ZGRF1: variants seen among roughly 807,000 people sequenced by gnomAD.
ZGRF1 encodes 5'-3' DNA helicase ZGRF1.
A neutral mutation model predicts 203.5 loss-of-function variants in ZGRF1; 196 were observed. The ratio of observed to expected loss-of-function variants is 0.96; its 90% CI spans 0.86 to 1.08. ZGRF1 has a LOEUF of 1.08. ZGRF1 is among the 50% of genes least tolerant of loss of function. The probability of loss-of-function intolerance (pLI) is 0.00; values close to 1 mark genes in which losing one functional copy is unlikely to be tolerated. For synonymous variants in ZGRF1, 809 were observed against 841.3 expected, an observed-to-expected ratio of 0.96 and a Z score of 0.66; for missense variants, 2,326 against 2,416.3, an observed-to-expected ratio of 0.96 and a Z score of 0.78.
At chr4:112,544,148 G>T (rs934525975) in intron 24 of ZGRF1, among the ~76,000 whole-genome samples, 1 of 152,086 alleles carries the variant, frequency 6.6e-6, no homozygotes, top group Non-Finnish European at 1.5e-5. Flanking sequence ...TGAAAGCTTC[G>T]TTCTTTGCAA....
intron 4 of ZGRF1, among the ~76,000 whole-genome samples, chr4:112,621,518 T>TGGTGCATGCCTGTAATCCCAGCCACTC (rs1403024426): frequency 1.8e-4 from 28 of 151,624 alleles, no homozygotes; most frequent in African/African-American, 5.8e-4. Context: ...CCGGGTGTGG[T>TGGTGCATGCCTGTAATCCCAGCCACTC]GGTGCATGCC....
intron 3 of ZGRF1, among the ~76,000 whole-genome samples, chr4:112,627,452 C>T (rs1160650195): frequency 6.6e-6 from 1 of 152,104 alleles, no homozygotes; most frequent in African/African-American, 2.4e-5. Context: ...TTCTAAAATA[C>T]AAATATAGCC....
chr4:112,565,695 C>A (rs541980333), intron 16 of ZGRF1, among the ~76,000 whole-genome samples: 1 of 152,222 alleles, frequency 6.6e-6, no homozygotes, highest in East Asian at 1.9e-4. Context: ...AGGACATGAA[C>A]AGATGCTTCT....
At chr4:112,631,459 C>T (rs1205109705) in intron 3 of ZGRF1, among the ~76,000 whole-genome samples, 1 of 152,122 alleles carries the variant, frequency 6.6e-6, no homozygotes, top group Non-Finnish European at 1.5e-5. Context: ...CACCTGAGGT[C>T]AGGAGTTCGA....
At position 112,612,508 on chromosome 4, in the gene ZGRF1, G is replaced by GA. The variant is rs754666985; in HGVS notation, c.2667+15dup. On this transcript the variant is annotated intron_variant, in intron 7 of 27. Transcript: ENST00000505019. The stretch of plus-strand genomic sequence containing the variant: ...TCAAAATAAAAAAAACATACTCTTA[G>GA]AAAAAAAACCTGTACCTGTTGAGAA... 6.8e-5 allele frequency: 104 copies of GA among 1,536,246 alleles called. No homozygotes were observed. The highest frequency in any genetic ancestry group is 1.1e-4 in the Admixed American group (6 of 54,952).
In ZGRF1 at chr4:112,563,163, T is replaced by C. The variant is rs773961824; in HGVS notation, c.4550A>G (p.Lys1517Arg). ...SINEIEILPLKGYFPSNWPTN... is the reference protein window; with the variant it reads ...SINEIEILPLRGYFPSNWPTN... Reference sequence around the variant, plus strand: ...GGGCCAATTAGAAGGGAAATAGCCTTTCAAAGGCAGTATTTCTATCTCATT... The same window carrying C: ...GGGCCAATTAGAAGGGAAATAGCCTCTCAAAGGCAGTATTTCTATCTCATT... The change falls in exon 17 of 28, where the codon AAA becomes AGA. Residue 1517 changes from lysine (K) to arginine (R), a missense_variant. By Grantham distance (26) the Lys-to-Arg change is conservative (BLOSUM62 2). Coordinates refer to ENST00000505019, the MANE Select transcript of ZGRF1 (RefSeq NM_018392.5). 3 of 1,550,282 alleles carry C rather than the reference T, an allele frequency of 1.9e-6. No homozygotes were observed. In the South Asian group the frequency reaches 3.6e-5, roughly 18 times the overall value.
intron 19 of ZGRF1, 72 bp downstream of exon 19, chr4:112,560,661 A>G: frequency 7.9e-7 from 1 of 1,273,454 alleles, no homozygotes; most frequent in Non-Finnish European, 1.1e-6. Flanking sequence ...AGGAAATTAT[A>G]AAGGAGCAGA....
chr4:112,543,366 C>T (rs766330825), intron 24 of ZGRF1, among the ~76,000 whole-genome samples: 5 of 152,132 alleles, frequency 3.3e-5, no homozygotes, highest in South Asian at 2.1e-4. Flanking sequence ...TTGAAATTCT[C>T]GTAAATGGCA....
At position 112,539,647 on chromosome 4, in the gene ZGRF1, T is replaced by C; in HGVS notation, c.6215A>G (p.Gln2072Arg). The change falls in exon 28 of 28, where the codon CAG becomes CGG. Residue 2072 changes from glutamine to arginine, a missense_variant. Coordinates refer to ENST00000505019, the MANE Select transcript of ZGRF1 (RefSeq NM_018392.5). ...ATAATCTTTAAGGAGATGGTTCAGC[T>C]GTGGTTCATACTGGTTTGCATGTTG... ...GLQHANQYEP[Q>R]LNHLLKDYFE... The C allele has an allele frequency of 6.2e-7, 1 of 1,608,994 alleles. No homozygotes were observed.
chr4:112,592,104 T>C (rs1748269175), intron 10 of ZGRF1, among the ~76,000 whole-genome samples: 1 of 150,672 alleles, frequency 6.6e-6, no homozygotes, highest in South Asian at 2.1e-4. Flanking sequence ...TTCTTTTTTT[T>C]TTTTTTTTTT....
At chr4:112,612,382 G>C (rs562969259) in intron 7 of ZGRF1, 142 bp downstream of exon 7, 3 of 554,672 alleles carry the variant, frequency 5.4e-6, no homozygotes, top group East Asian at 6.0e-5. Flanking sequence ...TTTTGGCTGA[G>C]GAAGGCAATG....
At chr4:112,539,788 G>A (rs1737179294) in intron 27 of ZGRF1, 75 bp downstream of exon 27, 1 of 1,581,246 alleles carries the variant, frequency 6.3e-7, no homozygotes, top group African/African-American at 1.4e-5. Flanking sequence ...GTTCCTGCTT[G>A]AAGCACCCCA....
At chr4:112,589,410 A>G (rs142726150) in intron 11 of ZGRF1, among the ~76,000 whole-genome samples, 1 of 152,302 alleles carries the variant, frequency 6.6e-6, no homozygotes, top group East Asian at 1.9e-4. Context: ...TGGAACAGGA[A>G]AGGGCTGTAA....
chr4:112,540,017 C>A lies in ZGRF1; in HGVS notation c.6018G>T (p.Leu2006=). 2 of 1,613,024 alleles carry A rather than the reference C, an allele frequency of 1.2e-6. No homozygotes were observed. Among genetic ancestry groups the A allele is most frequent in the Non-Finnish European group, 1.7e-6 (2 of 1,179,384 alleles). Residue 2006 remains leucine, a synonymous_variant, in exon 27 of 28, where the codon CTG becomes CTT. Transcript: ENST00000505019. ...CTACTTGTCTTGTCCTTACACAGGA[C>A]AGAATAATGATCTCCTTTTCAGCTC... The part of the protein sequence containing the change: ...FQGAEKEIII[L]SCVRTRQVGF...
Position 112,618,949 on chromosome 4 carries a change from C to G in ZGRF1, c.1093G>C (p.Asp365His), listed in dbSNP as rs749190597. Residue 365 changes from aspartate (D) to histidine (H), a missense_variant, in exon 6 of 28, where the codon GAC (aspartate) becomes CAC (histidine). Coordinates refer to ENST00000505019, the MANE Select transcript of ZGRF1 (RefSeq NM_018392.5). Reference sequence around the variant, plus strand: ...TGTATAATTTTTTGTAATGAAAGGTCTTTCAAATTAGAATTTACATCATCT... The same window carrying G: ...TGTATAATTTTTTGTAATGAAAGGTGTTTCAAATTAGAATTTACATCATCT... ...QEDDVNSNLKDLSLQKIIQFV... is the reference protein window; with the variant it reads ...QEDDVNSNLKHLSLQKIIQFV... The G allele has an allele frequency of 6.2e-7, 1 of 1,613,758 alleles. No homozygotes were observed. The highest frequency in any genetic ancestry group is 8.5e-7 in the Non-Finnish European group (1 of 1,179,880).
At position 112,636,834 on chromosome 4, in the gene ZGRF1, G is replaced by A. The variant is rs1417410417; in HGVS notation, c.-67+17C>T. ...TCAAGTCATTCCTAGGAAATCCCGA[G>A]AAACACTTCACCTCACCTGTCAAAT... On this transcript the variant is annotated intron_variant, in intron 1 of 27. Transcript: ENST00000505019. 6.6e-6 allele frequency: 1 copy of A among 152,140 alleles called. No homozygotes were observed. The highest frequency in any genetic ancestry group is 1.5e-5 in the Non-Finnish European group (1 of 68,034). 9.4% of individuals were successfully genotyped at this position (152,140 alleles called of 1,614,324 possible). A position where few individuals can be genotyped will look rare whatever the true frequency, so the allele number is the denominator to read the frequency against.
chr4:112,602,735 C>T (rs968416334), intron 10 of ZGRF1, among the ~76,000 whole-genome samples: 3 of 152,212 alleles, frequency 2.0e-5, no homozygotes, highest in African/African-American at 4.8e-5. Flanking sequence ...CCACAGGCAA[C>T]AACATAAATG....
rs747365077 is a variant in ZGRF1, at chr4:112,587,915, G to A, written c.3142C>T (p.Arg1048Cys). The A allele has an allele frequency of 3.9e-5, 59 of 1,525,486 alleles. 1 individual carries two copies. The South Asian group carries it at 4.5e-4, about 12-fold the overall frequency. The allele number at this position is 1,525,486 out of a possible 1,614,324, so 94.5% of individuals were successfully genotyped here. The part of the protein sequence containing the change: ...FLNLEGMKKS[R>C]SLENENLQRL... Reference sequence around the variant, plus strand: ...TGAAGGTTCTCATTCTCCAGAGAACGGGATTTTTTCATCCCTGAAAGAAAA... The same window carrying A: ...TGAAGGTTCTCATTCTCCAGAGAACAGGATTTTTTCATCCCTGAAAGAAAA... Residue 1048 changes from arginine to cysteine, a missense_variant, in exon 12 of 28, where the codon CGT (arginine) becomes TGT (cysteine). Arg to Cys is a radical substitution (Grantham distance 180, BLOSUM62 -3). Coordinates refer to ENST00000505019, the MANE Select transcript of ZGRF1 (RefSeq NM_018392.5).
At chr4:112,622,480 AC>A (rs1218634179) in intron 4 of ZGRF1, among the ~76,000 whole-genome samples, 16 of 147,182 alleles carry the variant, frequency 1.1e-4, no homozygotes, top group African/African-American at 4.0e-4. Context: ...AGATTATGCC[AC>A]CATACTCCAG....
Sources: gnomAD v4.1 joint callset for allele counts (sites outside exome capture counted in the v4.1 genomes callset) on GRCh38, gnomAD v4.1.1 for gene constraint, MANE v1.5 for transcripts, NCBI Gene and HGNC (gene_info 2026-07-23, HGNC 2026-07-21) for gene names.